Variants in DUSP15 observed in about 807,000 individuals in gnomAD.
DUSP15 encodes dual specificity phosphatase 15.
A neutral mutation model predicts 26.3 loss-of-function variants in DUSP15; 23 were observed. The observed-to-expected ratio is 0.87, with a 90% CI of 0.63 to 1.24. The LOEUF is 1.24. Among genes scored for constraint, DUSP15 ranks in the 50% most tolerant of loss-of-function variants. The pLI, the probability that DUSP15 is intolerant of heterozygous loss-of-function variation, is 0.00. For missense variants in DUSP15, 364 were observed against 320.6 expected (o/e 1.14, Z -1.03); for synonymous variants, 143 against 135.5 (o/e 1.06, Z -0.39).
At chr20:31,849,357 C>T (rs916919745) in intron 8 of DUSP15, among the ~76,000 whole-genome samples, 2 of 152,170 alleles carry the variant, frequency 1.3e-5, no homozygotes, top group Non-Finnish European at 2.9e-5. Flanking sequence ...TCTTTCCCAT[C>T]CCTGGTGCTT....
chr20:31,850,995 G>A (rs901460333), intron 6 of DUSP15, among the ~76,000 whole-genome samples: 11 of 152,212 alleles, frequency 7.2e-5, no homozygotes, highest in African/African-American at 2.4e-4. Flanking sequence ...AGGTCTGGGC[G>A]GACTGAAGGC....
chr20:31,848,511 C>T (rs1424351320), exon 10 of DUSP15: 1 of 1,608,740 alleles, frequency 6.2e-7, no homozygotes, highest in Non-Finnish European at 8.5e-7. Context: ...TCTGGGCGCT[C>T]GGTTGAGGCA....
At chr20:31,858,283 C>T (rs2123226803), downstream of DUSP15, among the ~76,000 whole-genome samples, 1 of 152,294 alleles carries the variant, frequency 6.6e-6, no homozygotes, top group East Asian at 1.9e-4. The surrounding 1 kb of genome is among the most constrained non-coding windows in gnomAD (Gnocchi z 4.4). Context: ...CCCCCCAGTC[C>T]CAGAGGCACA....
downstream of DUSP15, among the ~76,000 whole-genome samples, chr20:31,846,676 C>T (rs1330223159): frequency 6.6e-6 from 1 of 152,096 alleles, no homozygotes; most frequent in African/African-American, 2.4e-5. Context: ...GGGAGGGGCA[C>T]CTAGGATGGT....
intron 6 of DUSP15, among the ~76,000 whole-genome samples, chr20:31,855,815 C>T (rs1282599064): frequency 6.6e-6 from 1 of 152,206 alleles, no homozygotes; most frequent in East Asian, 1.9e-4. Flanking sequence ...TTAAAATTCA[C>T]AGGGAAAGTT....
At chr20:31,850,654 T>C (rs2062454393) in exon 7 of DUSP15, 1 of 1,611,878 alleles carries the variant, frequency 6.2e-7, no homozygotes, top group East Asian at 2.2e-5. Flanking sequence ...ACCAGAGGTT[T>C]TTGAGGTCCT....
chr20:31,861,649 G>T lies in DUSP15; in HGVS notation c.462C>A (p.Phe154Leu), dbSNP rs1263362874. Residue 154 changes from phenylalanine (F) to leucine (L), a missense_variant, in exon 7 of 7, where the codon TTC becomes TTA. By Grantham distance (22) the Phe-to-Leu change is conservative. Transcript: ENST00000339738. ...QKLRRQLEERFGESPFRDEEE... is the reference protein window; with the variant it reads ...QKLRRQLEERLGESPFRDEEE... ...CCTCGTCGCGGAAGGGGCTCTCGCC[G>T]AAGCGCTCCTCCAGCTGCCGGCGAA... is the stretch of plus-strand genomic sequence containing the variant. 2 of 1,275,210 alleles carry T rather than the reference G, an allele frequency of 1.6e-6. No homozygotes were observed. Among genetic ancestry groups the T allele is most frequent in the South Asian group, 2.6e-5 (2 of 76,606 alleles). 79.0% of individuals were successfully genotyped at this position (1,275,210 alleles called of 1,614,324 possible). A position where few individuals can be genotyped will look rare whatever the true frequency, so the allele number is the denominator to read the frequency against.
intron 4 of DUSP15, 188 bp from the exon 5 acceptor site, chr20:31,864,169 G>A: frequency 1.4e-6 from 2 of 1,389,904 alleles, no homozygotes; most frequent in South Asian, 3.2e-5. Flanking sequence ...AAGCAAGAAT[G>A]GTGGCATTTC....
chr20:31,853,099 TTCCC>T (rs942750983), intron 6 of DUSP15, among the ~76,000 whole-genome samples: 8 of 151,976 alleles, frequency 5.3e-5, no homozygotes, highest in Admixed American at 2.6e-4. Flanking sequence ...TCCCTTTCCT[TTCCC>T]TCCCTCCCTC....
exon 10 of DUSP15, chr20:31,848,087 G>T (rs2062396830): frequency 2.9e-6 from 1 of 342,488 alleles, no homozygotes; most frequent in Non-Finnish European, 5.3e-6. Context: ...TCAACAGCAG[G>T]TTAAGGCTGG....
downstream of DUSP15, among the ~76,000 whole-genome samples, chr20:31,858,326 C>A (rs948750421): frequency 6.6e-6 from 1 of 152,204 alleles, no homozygotes; most frequent in Non-Finnish European, 1.5e-5. This position sits in a 1 kb window ranked among gnomAD's most constrained non-coding sequence, Gnocchi z 4.4. Flanking sequence ...GGTCACCTGC[C>A]GTCGGGGACC....
intron 3 of DUSP15, among the ~76,000 whole-genome samples, chr20:31,865,661 A>G (rs934112706): frequency 6.6e-6 from 1 of 152,182 alleles, no homozygotes; most frequent in Admixed American, 6.5e-5. Context: ...TAACTAAGGG[A>G]CCACCAGCCA....
intron 8 of DUSP15, chr20:31,849,570 G>C: frequency 8.9e-7 from 1 of 1,127,080 alleles, no homozygotes. Flanking sequence ...TTCAGCAGGT[G>C]GCAGGTGCGC....
chr20:31,854,860 G>A (rs1288611314), intron 6 of DUSP15, among the ~76,000 whole-genome samples: 1 of 152,156 alleles, frequency 6.6e-6, no homozygotes, highest in Non-Finnish European at 1.5e-5. Flanking sequence ...GCTCCTAGGG[G>A]AAATACAGGG....
intron 5 of DUSP15, chr20:31,863,661 T>C (rs2062707342): frequency 2.0e-6 from 1 of 492,660 alleles, no homozygotes; most frequent in Non-Finnish European, 3.7e-6. Context: ...CAGCTTTCTT[T>C]TCCGCATTTT....
At chr20:31,860,966 CTCGCATCCCCTTTTCTGCAGGCTGCT>C (rs1021866756), downstream of DUSP15, 49 of 996,634 alleles carry the variant, frequency 4.9e-5, no homozygotes, top group African/African-American at 8.3e-4. Context: ...TGCAGGCTCC[CTCGCATCCCCTTTTCTGCAGGCTGCT>C]GGCCCCTGGC....
chr20:31,867,820 C>T (rs556868408), intron 2 of DUSP15, among the ~76,000 whole-genome samples: 50 of 151,816 alleles, frequency 3.3e-4, no homozygotes, highest in South Asian at 8.3e-4. Context: ...AATTTTTTTG[C>T]ATTTTTAGTA....
chr20:31,848,800 ACT>A (rs1262828985), intron 9 of DUSP15: 1 of 1,606,820 alleles, frequency 6.2e-7, no homozygotes, highest in African/African-American at 1.3e-5. Context: ...GGAAGGAGTG[ACT>A]CACGTCCGCC....
chr20:31,846,442 T>TAGAGAGAGAGAGAGAGAG (rs71185371), downstream of DUSP15, among the ~76,000 whole-genome samples: 54 of 107,842 alleles, frequency 5.0e-4, 1 homozygote, highest in African/African-American at 2.1e-3. Context: ...AAGGAATGAA[T>TAGAGAGAGAGAGAGAGAG]AGAGAGAGAG....
Sources: gnomAD v4.1 joint callset for allele counts (sites outside exome capture counted in the v4.1 genomes callset) on GRCh38, gnomAD v4.1.1 for gene constraint, Gnocchi (gnomAD v3.1) non-coding constraint, MANE v1.5 for transcripts, NCBI Gene and HGNC (gene_info 2026-07-23, HGNC 2026-07-21) for gene names.